The following KIF1B variants were observed in gnomAD, a reference collection of about 807,000 sequenced individuals.
The protein encoded by KIF1B is kinesin-like protein KIF1B.
KIF1B carries 76 observed loss-of-function variants against 241.9 expected under a neutral mutation model. The ratio of observed to expected loss-of-function variants is 0.31; its 90% CI spans 0.26 to 0.38. The LOEUF (loss-of-function observed/expected upper bound fraction) is 0.38, where lower values mean the gene tolerates loss of function less well. KIF1B is among the 10% of genes least tolerant of loss of function. The pLI is 1.00. For missense variants in KIF1B, 1,622 were observed against 2,271.4 expected, an observed-to-expected ratio of 0.71 and a Z score of 5.81; for synonymous variants, 750 against 796.7, an observed-to-expected ratio of 0.94 and a Z score of 0.99.
intron 2 of KIF1B, among the ~76,000 whole-genome samples, chr1:10,247,023 C>T (rs927818596): frequency 3.3e-5 from 5 of 152,142 alleles, no homozygotes; most frequent in African/African-American, 4.8e-5. Context: ...TGCTACCACA[C>T]CCAGCTAATT....
chr1:10,278,849 T>C (rs991887749), intron 13 of KIF1B: 1 of 439,192 alleles, frequency 2.3e-6, no homozygotes, highest in Non-Finnish European at 4.1e-6. Flanking sequence ...AAAGCATTTT[T>C]TTTTAGTGTA....
At chr1:10,215,160 ATATATATATATATTTTTT>A (rs1434800733) in intron 1 of KIF1B, among the ~76,000 whole-genome samples, 13 of 69,744 alleles carry the variant, frequency 1.9e-4, no homozygotes, top group African/African-American at 1.2e-3. Flanking sequence ...ATATATATAT[ATATATATATATATTTTTT>A]TTTTTTTTTT....
intron 27 of KIF1B, among the ~76,000 whole-genome samples, chr1:10,333,922 G>C (rs1011592532): frequency 6.6e-6 from 1 of 151,952 alleles, no homozygotes; most frequent in Admixed American, 6.6e-5. Context: ...GGAGGCCGAG[G>C]CGGGTGGATC....
At chr1:10,325,539 G>A (rs1651693522) in intron 26 of KIF1B, among the ~76,000 whole-genome samples, 1 of 152,126 alleles carries the variant, frequency 6.6e-6, no homozygotes, top group Non-Finnish European at 1.5e-5. Flanking sequence ...TTTTTAAAGA[G>A]GCTGGGTAAA....
In KIF1B at chr1:10,337,949, G is replaced by T. The variant is rs1652243621; in HGVS notation, c.3422+416G>T. 6.6e-6 allele frequency among the ~76,000 whole-genome samples: 1 copy of T among 152,180 alleles called. No individual in the cohort carries two copies. Among genetic ancestry groups the T allele is most frequent in the Non-Finnish European group, 1.5e-5 (1 of 68,020 alleles). On this transcript the variant is annotated intron_variant, in intron 31 of 48. Transcript: ENST00000676179. The surrounding 1 kb of genome is among the most constrained non-coding windows in gnomAD (Gnocchi z 4.0). ...AAAAGGAAAATTTAAACAATGTAAA[G>T]AAGGATAAATTCTACATCAACTGAA...
chr1:10,370,643 A>AAATAATAATAATAATAATAATAAT lies in KIF1B; in HGVS notation c.4825-494_4825-471dup, dbSNP rs200343928. On this transcript the variant is annotated intron_variant, in intron 44 of 48. Transcript: ENST00000676179. The stretch of plus-strand genomic sequence containing the variant: ...TAGCAAGACCTTATCTCGAGAAAGA[A>AAATAATAATAATAATAATAATAAT]AATAATAATAATAATAATAATAATA... Among the ~76,000 whole-genome samples, 10 of 147,974 alleles carry AAATAATAATAATAATAATAATAAT rather than the reference A, an allele frequency of 6.8e-5. No individual in the cohort carries two copies. The East Asian group carries it at 7.9e-4, about 12-fold the overall frequency.
chr1:10,277,811 C>T (rs939157677), intron 12 of KIF1B, among the ~76,000 whole-genome samples, 175 bp from the exon 13 acceptor site: 1 of 152,180 alleles, frequency 6.6e-6, no homozygotes, highest in African/African-American at 2.4e-5. Flanking sequence ...TTAAATTCAT[C>T]TGAGCCTTTT....
At chr1:10,271,439 A>G in intron 7 of KIF1B, 63 bp from the exon 8 acceptor site, 11 of 1,187,206 alleles carry the variant, frequency 9.3e-6, no homozygotes, top group Non-Finnish European at 1.3e-5. Context: ...TTCTGCCTCT[A>G]AATATTTCCT....
intron 5 of KIF1B, among the ~76,000 whole-genome samples, chr1:10,263,024 C>T (rs1398676235): frequency 6.6e-6 from 1 of 152,110 alleles, no homozygotes; most frequent in African/African-American, 2.4e-5. Flanking sequence ...TTTTGGGGCT[C>T]ATACCTGTAA....
intron 38 of KIF1B, among the ~76,000 whole-genome samples, chr1:10,357,601 C>T (rs1244240946): frequency 9.2e-5 from 14 of 152,110 alleles, no homozygotes; most frequent in Admixed American, 7.2e-4. Flanking sequence ...GGTGTGGTGG[C>T]TCGTGCCTAT....
intron 38 of KIF1B, among the ~76,000 whole-genome samples, chr1:10,357,080 A>G (rs1638274300): frequency 6.6e-6 from 1 of 152,062 alleles, no homozygotes; most frequent in Admixed American, 6.6e-5. Context: ...GGGTCTCGCT[A>G]TATTGCCCAC....
In KIF1B at chr1:10,256,280, C is replaced by T; in HGVS notation, c.140C>T (p.Pro47Leu). ...AACCCAAAGAATCCAAAGGAAGCTCCAAAGTCCTTCAGCTTCGACTATTCC... is the reference window on the plus strand; with the variant it reads ...AACCCAAAGAATCCAAAGGAAGCTCTAAAGTCCTTCAGCTTCGACTATTCC... Reference protein sequence around the residue: ...IINPKNPKEAPKSFSFDYSYW... With the variant: ...IINPKNPKEALKSFSFDYSYW... The change falls in exon 3 of 49, where the codon CCA (proline) becomes CTA (leucine). Residue 47 changes from proline to leucine, a missense_variant. Physicochemically the swap from Pro to Leu is moderately conservative, Grantham distance 98. Coordinates refer to ENST00000676179, the MANE Select transcript of KIF1B (RefSeq NM_001365951.3). The T allele has an allele frequency of 1.2e-6, 2 of 1,612,488 alleles. No homozygotes were observed. Among genetic ancestry groups the T allele is most frequent in the Non-Finnish European group, 1.7e-6 (2 of 1,178,530 alleles).
intron 22 of KIF1B, chr1:10,306,398 T>C (rs1342021052): frequency 2.0e-5 from 20 of 1,022,594 alleles, no homozygotes; most frequent in Non-Finnish European, 2.2e-5. Context: ...TATTCCTCTT[T>C]AGACATAAAT....
Position 10,256,253 on chromosome 1 carries a change from T to C in KIF1B, c.113T>C (p.Ile38Thr). ...IQMQGNSTSI[I>T]NPKNPKEAPK... The stretch of plus-strand genomic sequence containing the variant: ...AAACATTTTTATCTTCTAGGTATTA[T>C]TAACCCAAAGAATCCAAAGGAAGCT... The change falls in exon 3 of 49, where the codon ATT (isoleucine) becomes ACT (threonine). Residue 38 changes from isoleucine (I) to threonine (T), a missense_variant. By Grantham distance (89) the Ile-to-Thr change is moderately conservative. Around this residue, in one of 7 missense-constraint regions of KIF1B, gnomAD observed 156 missense variants for 244.8 expected, o/e 0.64. Coordinates refer to ENST00000676179, the MANE Select transcript of KIF1B (RefSeq NM_001365951.3). 1 of 1,603,170 alleles carries C rather than the reference T, an allele frequency of 6.2e-7. No homozygotes were observed. The highest frequency in any genetic ancestry group is 2.2e-5 in the East Asian group (1 of 44,830).
chr1:10,269,537 C>A (rs1224958598), intron 7 of KIF1B, among the ~76,000 whole-genome samples: 1 of 149,072 alleles, frequency 6.7e-6, no homozygotes, highest in Non-Finnish European at 1.5e-5. Context: ...AAACACACTC[C>A]TACTGGGCAT....
At chr1:10,211,243 C>A (rs1162067997) in intron 1 of KIF1B, among the ~76,000 whole-genome samples, 1 of 152,236 alleles carries the variant, frequency 6.6e-6, no homozygotes, top group African/African-American at 2.4e-5. Flanking sequence ...TCGTTTGAAG[C>A]CATCGTTTCT....
At chr1:10,260,754 C>G (rs1648088520) in intron 4 of KIF1B, among the ~76,000 whole-genome samples, 1 of 151,564 alleles carries the variant, frequency 6.6e-6, no homozygotes, top group Admixed American at 6.6e-5. Flanking sequence ...GTAATCCCAG[C>G]TACTTGGGAG....
intron 29 of KIF1B, 142 bp downstream of exon 29, chr1:10,336,884 C>G: frequency 1.8e-6 from 2 of 1,088,922 alleles, no homozygotes. Flanking sequence ...ACATGTCTAA[C>G]AATTATGAAG....
chr1:10,225,276 C>A (rs1185304914), intron 1 of KIF1B, among the ~76,000 whole-genome samples: 1 of 151,886 alleles, frequency 6.6e-6, no homozygotes, highest in African/African-American at 2.4e-5. Flanking sequence ...GAGATGGTTC[C>A]ACTGCACTCC....
Sources: gnomAD v4.1 joint callset for allele counts (sites outside exome capture counted in the v4.1 genomes callset) on GRCh38, gnomAD v4.1.1 for gene constraint, gnomAD v4.1.1 regional missense constraint, Gnocchi (gnomAD v3.1) non-coding constraint, MANE v1.5 for transcripts, NCBI Gene and HGNC (gene_info 2026-07-23, HGNC 2026-07-21) for gene names.